Variants in SPAG6 observed in about 807,000 individuals in gnomAD.
SPAG6 encodes sperm associated antigen 6, also known as sperm-associated antigen 6.
SPAG6 carries 49 observed loss-of-function variants against 58.5 expected under a neutral mutation model. The observed-to-expected ratio is 0.84, with a 90% CI of 0.67 to 1.06. The LOEUF (loss-of-function observed/expected upper bound fraction) is 1.06. Among genes scored for constraint, SPAG6 ranks in the 50% least tolerant of loss-of-function variants. SPAG6 has a pLI of 0.00. For synonymous variants in SPAG6, 233 were observed against 225.6 expected (o/e 1.03, Z -0.29); for missense variants, 560 against 611.3 (o/e 0.92, Z 0.89).
intron 7 of SPAG6, among the ~76,000 whole-genome samples, chr10:22,391,093 G>T (rs1330540166): frequency 6.6e-6 from 1 of 152,170 alleles, no homozygotes; most frequent in Non-Finnish European, 1.5e-5. Flanking sequence ...TAAAATTGAA[G>T]CATAAGATGC....
Position 22,386,862 on chromosome 10 carries a change from T to G in SPAG6, c.581T>G (p.Ile194Ser), listed in dbSNP as rs369850720. The change falls in exon 5 of 11, where the codon ATT becomes AGT. Residue 194 changes from isoleucine to serine, a missense_variant. By Grantham distance (142) the Ile-to-Ser change is moderately radical. Coordinates refer to ENST00000376624, the MANE Select transcript of SPAG6 (RefSeq NM_012443.4). ...ATTGCTGCTTCGGCCCTCAGTGATA[T>G]TGCAAAGCATTCTCCAGAGTTAGCA... ...KRIAASALSDIAKHSPELAQT... is the reference protein window; with the variant it reads ...KRIAASALSDSAKHSPELAQT... 2 of 1,613,658 alleles carry G rather than the reference T, an allele frequency of 1.2e-6. No homozygotes were observed. The highest frequency in any genetic ancestry group is 1.7e-6 in the Non-Finnish European group (2 of 1,179,782).
intron 4 of SPAG6, among the ~76,000 whole-genome samples, chr10:22,372,828 A>G (rs1833730514): frequency 6.6e-6 from 1 of 152,204 alleles, no homozygotes; most frequent in South Asian, 2.1e-4. Context: ...GCAAAGAGGA[A>G]TACATTTGAT....
intron 2 of SPAG6, among the ~76,000 whole-genome samples, chr10:22,357,978 C>G (rs1836915728): frequency 6.6e-6 from 1 of 152,050 alleles, no homozygotes; most frequent in South Asian, 2.1e-4. Flanking sequence ...TTAATCCAGT[C>G]TCTCATTGTT....
At chr10:22,373,385 C>T (rs1292989238) in intron 4 of SPAG6, among the ~76,000 whole-genome samples, 2 of 152,084 alleles carry the variant, frequency 1.3e-5, no homozygotes, top group Non-Finnish European at 2.9e-5. Context: ...CTTCTTATGC[C>T]ACCCATGTAC....
At chr10:22,415,881 C>T (rs1834854893) in intron 10 of SPAG6, among the ~76,000 whole-genome samples, 1 of 152,050 alleles carries the variant, frequency 6.6e-6, no homozygotes, top group South Asian at 2.1e-4. Flanking sequence ...ATTCATTTAT[C>T]TGCATGTAAG....
intron 4 of SPAG6, among the ~76,000 whole-genome samples, chr10:22,370,262 C>A (rs2132056954): frequency 6.6e-6 from 1 of 152,198 alleles, no homozygotes; most frequent in African/African-American, 2.4e-5. Flanking sequence ...CAGTGTGTGT[C>A]TATGTCTAAA....
intron 7 of SPAG6, 25 bp downstream of exon 7, chr10:22,389,337 C>A (rs1303305763): frequency 6.2e-7 from 1 of 1,602,196 alleles, no homozygotes; most frequent in East Asian, 2.2e-5. Context: ...CGTTTTCTTC[C>A]AGTTGCAGTA....
In SPAG6 at chr10:22,379,675, T is replaced by C. The variant is rs965222527; in HGVS notation, c.473-7079T>C. On this transcript the variant is annotated intron_variant, in intron 4 of 10. Coordinates refer to ENST00000376624, the MANE Select transcript of SPAG6 (RefSeq NM_012443.4). ...CCTGGCAGGTAAGCCACTCCTAGAT[T>C]CTTGACCTACAGAAACTATGAGATA... 3.3e-5 allele frequency among the ~76,000 whole-genome samples: 5 copies of C among 152,230 alleles called. No individual in the cohort carries two copies. In the East Asian group the frequency reaches 9.6e-4, roughly 29 times the overall value.
intron 3 of SPAG6, 26 bp from the exon 4 acceptor site, chr10:22,368,469 G>T (rs775588839): frequency 6.3e-7 from 1 of 1,593,458 alleles, no homozygotes; most frequent in Admixed American, 1.7e-5. Flanking sequence ...AATTCATTTT[G>T]AGTTTTGTCT....
rs1836497005 is a variant in SPAG6 at position 22,345,607 on chromosome 10, GC to G, written c.-4del. ...TCGAGGAGGGCAGACGGCGGCGGGG[GC>G]GCCATGAGTCAGAGGCAGGTGCTGC... On this transcript the variant is annotated 5_prime_UTR_variant, in exon 1 of 11. Coordinates refer to ENST00000376624, the MANE Select transcript of SPAG6 (RefSeq NM_012443.4). This position sits in a 1 kb window ranked among gnomAD's most constrained non-coding sequence, Gnocchi z 6.3. 6.5e-7 allele frequency: 1 copy of G among 1,528,458 alleles called. No homozygotes were observed. Among genetic ancestry groups the G allele is most frequent in the African/African-American group, 1.4e-5 (1 of 71,502 alleles). The allele number at this position is 1,528,458 out of a possible 1,614,324, so 94.7% of individuals were successfully genotyped here.
chr10:22,380,752 T>C (rs2132072457), intron 4 of SPAG6, among the ~76,000 whole-genome samples: 1 of 152,294 alleles, frequency 6.6e-6, no homozygotes, highest in South Asian at 2.1e-4. Context: ...AATTTATAAC[T>C]TTGTTGTATT....
At chr10:22,367,120 A>G (rs1192744372) in intron 3 of SPAG6, among the ~76,000 whole-genome samples, 1 of 151,946 alleles carries the variant, frequency 6.6e-6, no homozygotes, top group Non-Finnish European at 1.5e-5. Context: ...AGTGTTAGTT[A>G]TAGGCACTGG....
chr10:22,363,705 T>C (rs944699260), intron 2 of SPAG6, among the ~76,000 whole-genome samples: 3 of 152,188 alleles, frequency 2.0e-5, no homozygotes, highest in African/African-American at 2.4e-5. Context: ...TAAGATCAAG[T>C]GTTTAGGTGT....
At chr10:22,381,108 C>T (rs1314725412) in intron 4 of SPAG6, among the ~76,000 whole-genome samples, 1 of 152,196 alleles carries the variant, frequency 6.6e-6, no homozygotes, top group Non-Finnish European at 1.5e-5. Context: ...AATTTTCTTA[C>T]GTAACCACAA....
intron 2 of SPAG6, among the ~76,000 whole-genome samples, chr10:22,346,416 G>C (rs1057052474): frequency 1.4e-5 from 2 of 138,644 alleles, no homozygotes; most frequent in Non-Finnish European, 3.2e-5. Flanking sequence ...AACATAAACT[G>C]ATAAGAGAAA....
At chr10:22,346,430 G>GTTCTTCCTCCTCTTC (rs1463625993) in intron 2 of SPAG6, among the ~76,000 whole-genome samples, 1 of 95,920 alleles carries the variant, frequency 1.0e-5, no homozygotes, top group Non-Finnish European at 2.2e-5. Context: ...AGAGAAAATG[G>GTTCTTCCTCCTCTTC]TTCTTCTTCT....
At chr10:22,411,251 ACT>A in intron 10 of SPAG6, 75 bp downstream of exon 10, 1 of 1,295,320 alleles carries the variant, frequency 7.7e-7, no homozygotes, top group South Asian at 1.5e-5. Context: ...TTTTATATCC[ACT>A]GTGTCAAAAT....
intron 10 of SPAG6, chr10:22,411,418 GCTTTA>G: frequency 2.8e-6 from 1 of 359,882 alleles, no homozygotes; most frequent in Non-Finnish European, 5.0e-6. Context: ...TTTAACATGT[GCTTTA>G]CTAAAGAGTA....
At chr10:22,389,361 C>T (rs1443857821) in intron 7 of SPAG6, 49 bp downstream of exon 7, 1 of 1,558,392 alleles carries the variant, frequency 6.4e-7, no homozygotes, top group Non-Finnish European at 8.8e-7. Context: ...AATTCTAAGA[C>T]AGAACCACAG....
Sources: gnomAD v4.1 joint callset for allele counts (sites outside exome capture counted in the v4.1 genomes callset) on GRCh38, gnomAD v4.1.1 for gene constraint, Gnocchi (gnomAD v3.1) non-coding constraint, MANE v1.5 for transcripts, NCBI Gene and HGNC (gene_info 2026-07-23, HGNC 2026-07-21) for gene names.